The following SLC24A2 variants were observed in gnomAD, a reference collection of about 807,000 sequenced individuals.
SLC24A2 encodes solute carrier family 24 member 2, also known as sodium/potassium/calcium exchanger 2.
SLC24A2 carries 36 observed loss-of-function variants against 62.0 expected under a neutral mutation model. The observed-to-expected ratio is 0.58, with a 90% CI of 0.44 to 0.77. The LOEUF (loss-of-function observed/expected upper bound fraction) is 0.77. SLC24A2 is among the 30% of genes least tolerant of loss of function. SLC24A2 has a pLI of 0.00. For synonymous variants in SLC24A2, 358 were observed against 294.0 expected (o/e 1.22, Z -2.23); for missense variants, 846 against 817.9 (o/e 1.03, Z -0.42).
chr9:20,176,931 A>G, the SLC24A2 span, among the ~76,000 whole-genome samples: 1 of 123,500 alleles, frequency 8.1e-6, no homozygotes, highest in Non-Finnish European at 1.8e-5. Context: ...AGTGTGGAAA[A>G]TTAGAACTTC....
intron 2 of SLC24A2, among the ~76,000 whole-genome samples, chr9:19,773,588 T>C (rs1322388707): frequency 6.6e-6 from 1 of 152,240 alleles, no homozygotes; most frequent in Non-Finnish European, 1.5e-5. Context: ...CTTTTTATCA[T>C]GAACACTCAT....
chr9:19,543,909 G>T (rs879726953), intron 8 of SLC24A2, among the ~76,000 whole-genome samples: 42 of 152,302 alleles, frequency 2.8e-4, no homozygotes, highest in Admixed American at 9.2e-4. Context: ...ATATTCTTCT[G>T]ATTTGGGGTA....
rs548646028 is a variant in SLC24A2 at position 19,700,583 on chromosome 9, G to C, written c.931-78284C>G. 2.0e-4 allele frequency among the ~76,000 whole-genome samples: 31 copies of C among 152,296 alleles called. 1 individual carries two copies. The East Asian group carries it at 6.0e-3, about 29-fold the overall frequency. On this transcript the variant is annotated intron_variant, in intron 2 of 10. Coordinates refer to ENST00000341998, the MANE Select transcript of SLC24A2 (RefSeq NM_020344.4). ...AAATTTTATGGGGTCATTTGAGCCT[G>C]AAGTTTTCCACAGAAAGCTCTGAAA... is the stretch of plus-strand genomic sequence containing the variant.
At chr9:19,678,911 T>C (rs770372231) in intron 2 of SLC24A2, among the ~76,000 whole-genome samples, 3 of 152,070 alleles carry the variant, frequency 2.0e-5, no homozygotes, top group Non-Finnish European at 4.4e-5. Context: ...TAATGAAAAA[T>C]AATATATTTC....
chr9:19,922,576 C>A, the SLC24A2 span, among the ~76,000 whole-genome samples: 2 of 152,288 alleles, frequency 1.3e-5, no homozygotes, highest in African/African-American at 4.8e-5. Context: ...CCCAGCTGTG[C>A]ACATTGAACT....
the SLC24A2 span, among the ~76,000 whole-genome samples, chr9:19,968,979 GATA>G: frequency 6.6e-6 from 1 of 152,052 alleles, no homozygotes; most frequent in Non-Finnish European, 1.5e-5. Context: ...CCACAAATAT[GATA>G]ATAAAAGGTT....
At chr9:20,288,470 T>C in the SLC24A2 span, among the ~76,000 whole-genome samples, 4 of 151,950 alleles carry the variant, frequency 2.6e-5, no homozygotes, top group South Asian at 2.1e-4. Context: ...CTCCAAACTA[T>C]AGAATACAGT....
At position 19,727,805 on chromosome 9, in the gene SLC24A2, A is replaced by G. The variant is rs373499298; in HGVS notation, c.930+58132T>C. ...TCAGCAAAGGTCTGATCAGTTTTAC[A>G]TTTATTTAAAAACATGGTTATTTAC... On this transcript the variant is annotated intron_variant, in intron 2 of 10. Transcript: ENST00000341998. 3.9e-5 allele frequency among the ~76,000 whole-genome samples: 6 copies of G among 152,328 alleles called. No homozygotes were observed. In the South Asian group the frequency reaches 1.2e-3, roughly 32 times the overall value.
At chr9:19,673,915 C>T (rs533944066) in intron 2 of SLC24A2, among the ~76,000 whole-genome samples, 1 of 152,062 alleles carries the variant, frequency 6.6e-6, no homozygotes, top group Non-Finnish European at 1.5e-5. Flanking sequence ...TTATTTGATG[C>T]CTGAATATCT....
the SLC24A2 span, among the ~76,000 whole-genome samples, chr9:20,133,926 T>G: frequency 6.6e-6 from 1 of 152,308 alleles, no homozygotes; most frequent in East Asian, 1.9e-4. Flanking sequence ...AAATTCTATT[T>G]GAATCTTTCC....
At chr9:20,158,011 C>A in the SLC24A2 span, among the ~76,000 whole-genome samples, 1 of 151,546 alleles carries the variant, frequency 6.6e-6, no homozygotes, top group African/African-American at 2.4e-5. Flanking sequence ...CCCAATAAAC[C>A]ATACAGCAGA....
intron 2 of SLC24A2, among the ~76,000 whole-genome samples, chr9:19,628,355 T>G (rs1335544708): frequency 6.6e-6 from 1 of 152,170 alleles, no homozygotes; most frequent in Admixed American, 6.5e-5. Context: ...ATTAAGTATG[T>G]ACATAGAAGA....
intron 2 of SLC24A2, among the ~76,000 whole-genome samples, chr9:19,654,713 C>A (rs1169240095): frequency 6.6e-6 from 1 of 152,058 alleles, no homozygotes; most frequent in Non-Finnish European, 1.5e-5. Context: ...ACCCTTTGAA[C>A]CTGCCCCCGG....
the SLC24A2 span, among the ~76,000 whole-genome samples, chr9:19,908,710 A>T: frequency 6.6e-6 from 1 of 152,242 alleles, no homozygotes; most frequent in Non-Finnish European, 1.5e-5. Flanking sequence ...ACATTTATGC[A>T]GCCAAAAAAC....
chr9:19,676,871 T>A (rs10964249), intron 2 of SLC24A2, among the ~76,000 whole-genome samples: 102,913 of 152,060 alleles, frequency 0.68, 36,131 homozygotes, highest in East Asian at 0.84. Flanking sequence ...AAAGTTTTTC[T>A]TCAAAGAGAT....
At chr9:20,198,863 G>A in the SLC24A2 span, among the ~76,000 whole-genome samples, 2 of 152,216 alleles carry the variant, frequency 1.3e-5, no homozygotes, top group African/African-American at 2.4e-5. Flanking sequence ...TCAGAAAGAG[G>A]AGCAAATTCT....
At chr9:20,096,775 T>C in the SLC24A2 span, among the ~76,000 whole-genome samples, 1 of 152,236 alleles carries the variant, frequency 6.6e-6, no homozygotes, top group Non-Finnish European at 1.5e-5. Flanking sequence ...TCTTTGTTAA[T>C]CCTTTAGTTG....
At chr9:20,295,549 A>G in the SLC24A2 span, among the ~76,000 whole-genome samples, 2 of 152,316 alleles carry the variant, frequency 1.3e-5, no homozygotes, top group East Asian at 3.9e-4. Context: ...ACTAGGCAGG[A>G]AGATGTGCCC....
the SLC24A2 span, among the ~76,000 whole-genome samples, chr9:19,966,784 G>A: frequency 2.6e-5 from 4 of 152,164 alleles, no homozygotes; most frequent in East Asian, 1.9e-4. Context: ...AGTGGAATGC[G>A]AATGCAATTG....
Sources: gnomAD v4.1 joint callset for allele counts (sites outside exome capture counted in the v4.1 genomes callset) on GRCh38, gnomAD v4.1.1 for gene constraint, MANE v1.5 for transcripts, NCBI Gene and HGNC (gene_info 2026-07-23, HGNC 2026-07-21) for gene names.